RCL1: variants seen among roughly 807,000 people sequenced by gnomAD.
The protein encoded by RCL1 is RNA terminal phosphate cyclase like 1.
In RCL1, 24 loss-of-function variants were observed where a neutral mutation model predicts 42.4. The ratio of observed to expected loss-of-function variants is 0.57; its 90% CI spans 0.41 to 0.80. The LOEUF (loss-of-function observed/expected upper bound fraction) is 0.80, where lower values mean the gene tolerates loss of function less well. RCL1 is among the 30% of genes least tolerant of loss of function. The pLI is 0.00. For synonymous variants in RCL1, 228 were observed against 177.3 expected, an observed-to-expected ratio of 1.29 and a Z score of -2.27; for missense variants, 578 against 467.9, an observed-to-expected ratio of 1.24 and a Z score of -2.17.
At chr9:4,835,419 G>C (rs908362086) in intron 5 of RCL1, among the ~76,000 whole-genome samples, 2 of 152,202 alleles carry the variant, frequency 1.3e-5, no homozygotes, top group African/African-American at 4.8e-5. Flanking sequence ...TGTCACTGAT[G>C]CCCTGGGGAA....
At chr9:4,809,118 T>G (rs1255790327) in intron 1 of RCL1, among the ~76,000 whole-genome samples, 1 of 152,114 alleles carries the variant, frequency 6.6e-6, no homozygotes, top group Non-Finnish European at 1.5e-5. Context: ...TTTTTTTTAA[T>G]GGCTACAGAC....
intron 8 of RCL1, among the ~76,000 whole-genome samples, chr9:4,851,572 C>T (rs1817749528): frequency 1.3e-5 from 2 of 152,110 alleles, no homozygotes; most frequent in African/African-American, 4.8e-5. Flanking sequence ...GGATGAAATC[C>T]ACGGTGAGGA....
At chr9:4,830,245 T>C (rs1816903323) in intron 3 of RCL1, among the ~76,000 whole-genome samples, 1 of 152,170 alleles carries the variant, frequency 6.6e-6, no homozygotes, top group African/African-American at 2.4e-5. Flanking sequence ...GAACTAGAGC[T>C]ATTGGAAAGT....
At position 4,856,457 on chromosome 9, in the gene RCL1, A is replaced by G. The variant is rs372931735; in HGVS notation, c.972-3668A>G. 4.1e-4 allele frequency among the ~76,000 whole-genome samples: 62 copies of G among 152,312 alleles called. 2 individuals are homozygous for G. In the South Asian group the frequency reaches 0.011, roughly 26 times the overall value. On this transcript the variant is annotated intron_variant, in intron 8 of 8. Coordinates refer to ENST00000381750, the MANE Select transcript of RCL1 (RefSeq NM_005772.5). ...GGAGAAGAGCCTCTTTACTGAGGCTAAATTCTATTCAGTGCCTCTTTACTG... is the reference window on the plus strand; with the variant it reads ...GGAGAAGAGCCTCTTTACTGAGGCTGAATTCTATTCAGTGCCTCTTTACTG...
chr9:4,809,729 A>C (rs935205080), intron 1 of RCL1, among the ~76,000 whole-genome samples: 1 of 152,146 alleles, frequency 6.6e-6, no homozygotes, highest in African/African-American at 2.4e-5. Flanking sequence ...TCTTCCCTGT[A>C]TTGATATCTT....
chr9:4,813,752 G>C (rs547516990), intron 1 of RCL1, among the ~76,000 whole-genome samples: 2 of 152,144 alleles, frequency 1.3e-5, no homozygotes, highest in East Asian at 3.8e-4. Context: ...TGTTTATTGC[G>C]GCACTATTCA....
At chr9:4,825,922 C>A (rs777994612) in intron 2 of RCL1, among the ~76,000 whole-genome samples, 2 of 151,404 alleles carry the variant, frequency 1.3e-5, no homozygotes, top group Non-Finnish European at 2.9e-5. Context: ...TATAGTGAGA[C>A]CCTTTCTCAA....
intron 8 of RCL1, 51 bp from the exon 9 acceptor site, chr9:4,860,074 T>A: frequency 7.4e-7 from 1 of 1,342,822 alleles, no homozygotes; most frequent in Non-Finnish European, 1.0e-6. Context: ...AGGATAATTT[T>A]TTTTTGAATG....
At chr9:4,808,377 G>T (rs146497710) in intron 1 of RCL1, among the ~76,000 whole-genome samples, 6 of 151,402 alleles carry the variant, frequency 4.0e-5, no homozygotes, top group Non-Finnish European at 7.4e-5. Flanking sequence ...GTGTGATCTC[G>T]CCTCATTGCC....
intron 1 of RCL1, among the ~76,000 whole-genome samples, chr9:4,808,504 C>T (rs963524667): frequency 6.6e-6 from 1 of 151,986 alleles, no homozygotes; most frequent in Admixed American, 6.6e-5. Context: ...GACAGGGTTT[C>T]GCCATGTTGC....
chr9:4,803,252 G>A (rs1843036528), intron 1 of RCL1, among the ~76,000 whole-genome samples: 1 of 152,164 alleles, frequency 6.6e-6, no homozygotes, highest in Non-Finnish European at 1.5e-5. Flanking sequence ...AGCAGTTTCA[G>A]AACTTTGGCT....
chr9:4,834,078 G>A, intron 4 of RCL1, 63 bp from the exon 5 acceptor site: 4 of 1,560,936 alleles, frequency 2.6e-6, no homozygotes, highest in South Asian at 2.3e-5. Context: ...TTCCTGGGCA[G>A]GGTGTCAGGG....
chr9:4,824,797 A>C (rs145370137), intron 2 of RCL1, among the ~76,000 whole-genome samples: 4 of 152,310 alleles, frequency 2.6e-5, no homozygotes, highest in Admixed American at 2.6e-4. Flanking sequence ...TGAGATACTC[A>C]CATGTCTTTT....
At chr9:4,824,402 A>G (rs1267394375) in intron 2 of RCL1, among the ~76,000 whole-genome samples, 3 of 124,164 alleles carry the variant, frequency 2.4e-5, no homozygotes, top group Admixed American at 9.8e-5. Flanking sequence ...TTTTGCTAGT[A>G]CAAATGTCTC....
chr9:4,842,556 T>A (rs1817368703), intron 6 of RCL1, among the ~76,000 whole-genome samples: 1 of 152,228 alleles, frequency 6.6e-6, no homozygotes, highest in Admixed American at 6.5e-5. Context: ...ACCTTTGGTT[T>A]ATATTCTAGT....
At chr9:4,808,316 TA>T (rs531167637) in intron 1 of RCL1, among the ~76,000 whole-genome samples, 291 of 152,272 alleles carry the variant, frequency 1.9e-3, no homozygotes, top group African/African-American at 6.6e-3. Flanking sequence ...AATTTTTTAT[TA>T]TTTTTTTTAA....
chr9:4,808,732 A>G (rs1816067219), intron 1 of RCL1, among the ~76,000 whole-genome samples: 1 of 152,232 alleles, frequency 6.6e-6, no homozygotes, highest in South Asian at 2.1e-4. Context: ...CAGTAAAAGC[A>G]GCATAAATCA....
chr9:4,796,725 G>A (rs1479745457), intron 1 of RCL1, among the ~76,000 whole-genome samples: 1 of 152,178 alleles, frequency 6.6e-6, no homozygotes, highest in Non-Finnish European at 1.5e-5. Context: ...TTATGGCTGT[G>A]TAGTATTCCA....
chr9:4,821,873 T>C (rs1315190060), intron 1 of RCL1, among the ~76,000 whole-genome samples: 1 of 152,256 alleles, frequency 6.6e-6, no homozygotes, highest in East Asian at 1.9e-4. Context: ...GCCAGAGCCC[T>C]TGTGGCTTAA....
Sources: allele counts gnomAD v4.1 joint callset (sites outside exome capture counted in the v4.1 genomes callset), GRCh38; gene constraint gnomAD v4.1.1; transcripts MANE v1.5; gene names NCBI Gene and HGNC (gene_info 2026-07-23, HGNC 2026-07-21).